The following FYCO1 variants were observed in gnomAD, a reference collection of about 807,000 sequenced individuals.
FYCO1 encodes the protein FYVE and coiled-coil domain-containing protein 1.
A neutral mutation model predicts 165.1 loss-of-function variants in FYCO1; 122 were observed. The observed-to-expected ratio is 0.74, with a 90% CI of 0.64 to 0.86. The LOEUF is 0.86. Ranked by LOEUF, FYCO1 falls within the 40% of genes least tolerant of loss-of-function variation. The pLI, the probability that FYCO1 is intolerant of heterozygous loss-of-function variation, is 0.00. For synonymous variants in FYCO1, 648 were observed against 742.5 expected (o/e 0.87, Z 2.07); for missense variants, 1,702 against 1,810.3 (o/e 0.94, Z 1.09).
At chr3:45,922,095 C>T (rs747977838) in intron 17 of FYCO1, among the ~76,000 whole-genome samples, 1 of 152,230 alleles carries the variant, frequency 6.6e-6, no homozygotes, top group Non-Finnish European at 1.5e-5. Flanking sequence ...TGAATATCAC[C>T]TCCCTCACCT....
intron 16 of FYCO1, among the ~76,000 whole-genome samples, chr3:45,929,419 A>G (rs927621578): frequency 5.3e-5 from 8 of 152,220 alleles, no homozygotes; most frequent in African/African-American, 1.7e-4. Flanking sequence ...TGGGCAGGCA[A>G]AACAGCAAAG....
chr3:45,950,713 A>G (rs1704958560), intron 14 of FYCO1, among the ~76,000 whole-genome samples: 1 of 152,202 alleles, frequency 6.6e-6, no homozygotes, highest in South Asian at 2.1e-4. Context: ...AATGCCTGCC[A>G]AAGCTCACAC....
At position 45,966,388 on chromosome 3, in the gene FYCO1, G is replaced by T. The variant is rs202237157; in HGVS notation, c.2946C>A (p.Leu982=). 2 of 1,613,890 alleles carry T rather than the reference G, an allele frequency of 1.2e-6. No individual in the cohort carries two copies. The highest frequency in any genetic ancestry group is 4.5e-5 in the East Asian group (2 of 44,880). The change falls in exon 8 of 18, where the codon CTC becomes CTA. Residue 982 remains leucine (L), a synonymous_variant. Transcript: ENST00000296137. Reference sequence around the variant, plus strand: ...TCTGGGCCCGCTGCTCTGCCTGGGCGAGCTGGGCCTGCAGGCCAGGCAGTG... The same window carrying T: ...TCTGGGCCCGCTGCTCTGCCTGGGCTAGCTGGGCCTGCAGGCCAGGCAGTG... ...AGSLPGLQAQ[L]AQAEQRAQSL...
At chr3:45,980,098 C>T (rs754618245) in intron 3 of FYCO1, among the ~76,000 whole-genome samples, 1 of 152,138 alleles carries the variant, frequency 6.6e-6, no homozygotes, top group African/African-American at 2.4e-5. Flanking sequence ...GCTGGTAATC[C>T]AGCACTTTGG....
intron 4 of FYCO1, among the ~76,000 whole-genome samples, chr3:45,976,297 A>G (rs2125863463): frequency 6.6e-6 from 1 of 152,340 alleles, no homozygotes; most frequent in South Asian, 2.1e-4. Context: ...TGGAAATGGG[A>G]TATGTTGGTC....
chr3:45,937,284 G>A (rs967936468), intron 14 of FYCO1, among the ~76,000 whole-genome samples: 3 of 152,222 alleles, frequency 2.0e-5, no homozygotes, highest in Non-Finnish European at 4.4e-5. Context: ...GCATCAATGA[G>A]GAAGATCTCC....
chr3:45,929,666 T>G (rs1703496150), intron 16 of FYCO1, among the ~76,000 whole-genome samples: 1 of 151,980 alleles, frequency 6.6e-6, no homozygotes, highest in Non-Finnish European at 1.5e-5. Context: ...CAGAGGTAGG[T>G]AGGAGGAGCT....
In FYCO1 at chr3:45,921,580, G is replaced by A. The variant is rs1019807027; in HGVS notation, c.*185C>T. 1 of 623,530 alleles carries A rather than the reference G, an allele frequency of 1.6e-6. No individual in the cohort carries two copies. The highest frequency in any genetic ancestry group is 2.9e-6 in the Non-Finnish European group (1 of 342,326). 38.6% of individuals were successfully genotyped at this position (623,530 alleles called of 1,614,324 possible). A position where few individuals can be genotyped will look rare whatever the true frequency, so the allele number is the denominator to read the frequency against. On this transcript the variant is annotated 3_prime_UTR_variant, in exon 18 of 18. Transcript: ENST00000296137. ...TTGCCTGAGCCCTTCAACGCCTCGGGGGCTAAGAGTGGCCGGTGCAGAGTG... is the reference window on the plus strand; with the variant it reads ...TTGCCTGAGCCCTTCAACGCCTCGGAGGCTAAGAGTGGCCGGTGCAGAGTG...
intron 16 of FYCO1, among the ~76,000 whole-genome samples, chr3:45,930,285 A>G (rs1338357964): frequency 2.6e-5 from 4 of 152,220 alleles, no homozygotes; most frequent in Non-Finnish European, 4.4e-5. Flanking sequence ...CTTTCTCTGC[A>G]GAGATGCAGG....
In FYCO1 at chr3:45,924,802, G is replaced by A. The variant is rs556698913; in HGVS notation, c.4252-1037C>T. Among the ~76,000 whole-genome samples, 5 of 151,984 alleles carry A rather than the reference G, an allele frequency of 3.3e-5. No homozygotes were observed. In the East Asian group the frequency reaches 7.7e-4, roughly 24 times the overall value. On this transcript the variant is annotated intron_variant, in intron 16 of 17. Transcript: ENST00000296137. ...TAATTTTTGTATTTTTAGCAGAGAC[G>A]GAGTTTCACCATGTTGGCCAGGTTG...
chr3:45,987,380 A>G (rs1397500931), intron 1 of FYCO1, among the ~76,000 whole-genome samples: 1 of 152,146 alleles, frequency 6.6e-6, no homozygotes, highest in Non-Finnish European at 1.5e-5. Context: ...TCTCACAAAA[A>G]AGGAGCATTG....
intron 5 of FYCO1, 103 bp downstream of exon 5, chr3:45,975,136 G>C: frequency 1.2e-6 from 1 of 838,724 alleles, no homozygotes; most frequent in African/African-American, 1.7e-5. Flanking sequence ...GTGTCACGGG[G>C]GACACAAATG....
At chr3:45,994,961 T>C (rs543869442) in intron 1 of FYCO1, among the ~76,000 whole-genome samples, 1 of 152,160 alleles carries the variant, frequency 6.6e-6, no homozygotes, top group African/African-American at 2.4e-5. Flanking sequence ...AGAGAATACA[T>C]GTGCTTTAAC....
At chr3:45,923,819 G>A in intron 16 of FYCO1, 54 bp from the exon 17 acceptor site, 2 of 1,157,388 alleles carry the variant, frequency 1.7e-6, no homozygotes, top group Non-Finnish European at 2.6e-6. Context: ...AGGGCCCTCG[G>A]CATCCTCAGG....
intron 2 of FYCO1, 165 bp downstream of exon 2, chr3:45,984,691 G>C: frequency 1.4e-6 from 1 of 740,364 alleles, no homozygotes; most frequent in Middle Eastern, 2.3e-4. Context: ...CCTTACACAA[G>C]GTGGATATTT....
chr3:45,958,749 G>A, intron 12 of FYCO1, 130 bp from the exon 13 acceptor site: 2 of 828,616 alleles, frequency 2.4e-6, no homozygotes, highest in South Asian at 1.4e-5. Flanking sequence ...AAGTTAGGAT[G>A]TGGCCATGAG....
In FYCO1 at chr3:45,958,407, C is replaced by T; in HGVS notation, c.3799+1G>A. On this transcript the variant is annotated splice_donor_variant, in intron 13 of 17. Coordinates refer to ENST00000296137, the MANE Select transcript of FYCO1 (RefSeq NM_024513.4). LOFTEE classifies it high-confidence loss of function. ...GTAGGCAGTAGTAGCAGGAGACTGA[C>T]CTTGGCCTCCTGTGGCCTGGGGCCC... 17 of 1,611,660 alleles carry T rather than the reference C, an allele frequency of 1.1e-5. No individual in the cohort carries two copies. The highest frequency in any genetic ancestry group is 1.4e-5 in the Non-Finnish European group (17 of 1,179,554).
At chr3:45,992,288 C>T (rs755704173) in intron 1 of FYCO1, among the ~76,000 whole-genome samples, 3 of 152,144 alleles carry the variant, frequency 2.0e-5, no homozygotes, top group Non-Finnish European at 4.4e-5. Flanking sequence ...TGGGGAGGAG[C>T]ATGACAACAG....
intron 10 of FYCO1, among the ~76,000 whole-genome samples, chr3:45,963,781 G>A (rs1705834925): frequency 6.6e-6 from 1 of 152,218 alleles, no homozygotes; most frequent in Admixed American, 6.5e-5. Context: ...AAATGAGGGG[G>A]TCAAGGAGGC....
Sources: allele counts gnomAD v4.1 joint callset (sites outside exome capture counted in the v4.1 genomes callset), GRCh38; gene constraint gnomAD v4.1.1; transcripts MANE v1.5; gene names NCBI Gene and HGNC (gene_info 2026-07-23, HGNC 2026-07-21).